Variants in CNTN1 observed in about 807,000 individuals in gnomAD.
CNTN1 encodes contactin-1.
CNTN1 carries 38 observed loss-of-function variants against 126.4 expected under a neutral mutation model. That is an observed-to-expected ratio of 0.30 (90% confidence interval 0.23 to 0.39). The LOEUF (loss-of-function observed/expected upper bound fraction) is 0.39. CNTN1 is among the 10% of genes least tolerant of loss of function. The pLI, the probability that CNTN1 is intolerant of heterozygous loss-of-function variation, is 1.00. For synonymous variants in CNTN1, 413 were observed against 422.6 expected (o/e 0.98, Z 0.28); for missense variants, 1,009 against 1,248.4 (o/e 0.81, Z 2.89).
Position 40,929,994 on chromosome 12 carries a change from T to C in CNTN1, c.695T>C (p.Ile232Thr), listed in dbSNP as rs763560467. The C allele has an allele frequency of 2.5e-6, 4 of 1,605,860 alleles. No individual in the cohort carries two copies. Among genetic ancestry groups the C allele is most frequent in the Non-Finnish European group, 2.6e-6 (3 of 1,172,820 alleles). The change falls in exon 7 of 24, where the codon ATA (isoleucine) becomes ACA (threonine). Residue 232 changes from isoleucine (I) to threonine (T), a missense_variant. Physicochemically the swap from Ile to Thr is moderately conservative, Grantham distance 89. Coordinates refer to ENST00000551295, the MANE Select transcript of CNTN1 (RefSeq NM_001843.4). ...VFSKFIPLIPIPERTTKPYPA... is the reference protein window; with the variant it reads ...VFSKFIPLIPTPERTTKPYPA... Reference sequence around the variant, plus strand: ...AGCAAATTCATCCCACTCATTCCAATACCTGAACGTAAGTATTTTATTTGT... The same window carrying C: ...AGCAAATTCATCCCACTCATTCCAACACCTGAACGTAAGTATTTTATTTGT...
intron 17 of CNTN1, among the ~76,000 whole-genome samples, chr12:41,001,167 G>A (rs778880496): frequency 3.3e-5 from 5 of 152,100 alleles, no homozygotes; most frequent in East Asian, 3.8e-4. Context: ...TTGCTAGGTC[G>A]AATAGTATTT....
At chr12:40,750,628 C>A (rs1292262918) in intron 1 of CNTN1, among the ~76,000 whole-genome samples, 1 of 151,676 alleles carries the variant, frequency 6.6e-6, no homozygotes, top group East Asian at 1.9e-4. Flanking sequence ...GATAGTGAGA[C>A]CCCCATCTCT....
chr12:40,705,711 C>G (rs2121134278), intron 1 of CNTN1, among the ~76,000 whole-genome samples: 1 of 152,238 alleles, frequency 6.6e-6, no homozygotes, highest in Middle Eastern at 3.4e-3. Context: ...ATACCTGAGA[C>G]TGGGTAATTT....
At chr12:40,857,338 G>C (rs1420695862) in intron 1 of CNTN1, among the ~76,000 whole-genome samples, 1 of 152,102 alleles carries the variant, frequency 6.6e-6, no homozygotes, top group Non-Finnish European at 1.5e-5. Context: ...GTTGAAAATA[G>C]CAAAGGCAGT....
chr12:41,003,679 GA>G (rs1234946541), intron 17 of CNTN1, among the ~76,000 whole-genome samples: 1 of 151,934 alleles, frequency 6.6e-6, no homozygotes, highest in Non-Finnish European at 1.5e-5. Context: ...TTAGTCTTGG[GA>G]GAGGGTATGT....
At chr12:40,868,696 GCTGATTGTACTGCATCCCAGC>G (rs1014624098) in intron 1 of CNTN1, among the ~76,000 whole-genome samples, 14 of 152,094 alleles carry the variant, frequency 9.2e-5, no homozygotes, top group Admixed American at 4.6e-4. Flanking sequence ...TGATCCTGTG[GCTGATTGTACTGCATCCCAGC>G]CTGAACACCT....
At chr12:40,709,710 A>G (rs946152804) in intron 1 of CNTN1, among the ~76,000 whole-genome samples, 2 of 152,188 alleles carry the variant, frequency 1.3e-5, no homozygotes, top group Non-Finnish European at 2.9e-5. Flanking sequence ...TCACATTTTT[A>G]TGTTATGGAG....
chr12:40,773,696 C>CATATATATATATAT (rs369635772), intron 1 of CNTN1, among the ~76,000 whole-genome samples: 1 of 19,914 alleles, frequency 5.0e-5, no homozygotes, highest in African/African-American at 8.3e-5. Flanking sequence ...TATATATACA[C>CATATATATATATAT]ATATATATAT....
At chr12:41,008,432 T>A (rs561907828) in intron 17 of CNTN1, among the ~76,000 whole-genome samples, 1 of 152,288 alleles carries the variant, frequency 6.6e-6, no homozygotes, top group African/African-American at 2.4e-5. Flanking sequence ...GAAAAACATA[T>A]ATACCCCCGT....
At chr12:40,904,070 G>C (rs1382611172) in intron 1 of CNTN1, among the ~76,000 whole-genome samples, 1 of 152,150 alleles carries the variant, frequency 6.6e-6, no homozygotes, top group South Asian at 2.1e-4. Flanking sequence ...CTAGGCTGGA[G>C]TGCAGTGGCG....
intron 11 of CNTN1, 67 bp downstream of exon 11, chr12:40,937,754 A>G: frequency 1.1e-6 from 1 of 951,286 alleles, no homozygotes. Context: ...CAAAATGTTT[A>G]TTGAGCCTAC....
chr12:40,923,812 C>T (rs948360551), intron 5 of CNTN1, among the ~76,000 whole-genome samples: 1 of 152,052 alleles, frequency 6.6e-6, no homozygotes, highest in Admixed American at 6.6e-5. Context: ...AAAAGTAACA[C>T]TTAGCATAGA....
chr12:40,983,880 T>TATGCTATTATAGCATATTTTATTA lies in CNTN1; in HGVS notation c.1963+2813_1963+2814insATGCTATTATAGCATATTTTATTA, dbSNP rs1566089136. On this transcript the variant is annotated intron_variant, in intron 16 of 23. Transcript: ENST00000551295. ...ATATGCTATTATAGCATATTTTATT[T>TATGCTATTATAGCATATTTTATTA]TATGCTATTATAGCATATTTTATTA... Among the ~76,000 whole-genome samples the TATGCTATTATAGCATATTTTATTA allele has an allele frequency of 1.4e-3, 96 of 68,972 alleles. 9 individuals are homozygous for TATGCTATTATAGCATATTTTATTA. Among genetic ancestry groups the TATGCTATTATAGCATATTTTATTA allele is most frequent in the African/African-American group, 5.2e-3 (93 of 17,860 alleles). 45.2% of individuals were successfully genotyped at this position (68,972 alleles called of 152,430 possible). A position where few individuals can be genotyped will look rare whatever the true frequency, so the allele number is the denominator to read the frequency against.
chr12:40,839,472 C>T (rs529935189), intron 1 of CNTN1, among the ~76,000 whole-genome samples: 1 of 152,264 alleles, frequency 6.6e-6, no homozygotes, highest in African/African-American at 2.4e-5. Context: ...CTCCATGGCA[C>T]ATTATAGTAT....
intron 1 of CNTN1, among the ~76,000 whole-genome samples, chr12:40,869,597 A>T (rs1020206759): frequency 6.6e-6 from 1 of 152,104 alleles, no homozygotes; most frequent in Non-Finnish European, 1.5e-5. Context: ...TACATATATT[A>T]TTATAGTCAA....
Position 41,028,054 on chromosome 12 carries a change from T to C in CNTN1, c.2823+85T>C, listed in dbSNP as rs554708519. The C allele has an allele frequency of 7.0e-6, 7 of 995,096 alleles. No individual in the cohort carries two copies. In the Admixed American group the frequency reaches 1.1e-4, roughly 16 times the overall value. The allele number at this position is 995,096 out of a possible 1,614,324, so 61.6% of individuals were successfully genotyped here. On this transcript the variant is annotated intron_variant, in intron 22 of 23. Coordinates refer to ENST00000551295, the MANE Select transcript of CNTN1 (RefSeq NM_001843.4). ...ATGGGTTTCTTTTCTTTTTTTGAGA[T>C]GGAATTTTGCTCTGTCACCCAGACC...
chr12:40,922,854 C>T (rs1020182227), intron 5 of CNTN1, among the ~76,000 whole-genome samples: 1 of 151,600 alleles, frequency 6.6e-6, no homozygotes, highest in African/African-American at 2.4e-5. Flanking sequence ...GCCTGTAATC[C>T]CAGCTACTCG....
chr12:40,961,639 T>G (rs1947109424), intron 15 of CNTN1, among the ~76,000 whole-genome samples: 1 of 151,982 alleles, frequency 6.6e-6, no homozygotes, highest in Non-Finnish European at 1.5e-5. Flanking sequence ...GAAAATGATT[T>G]GTAATTTTCA....
At chr12:41,015,093 T>C (rs1171625220) in intron 18 of CNTN1, among the ~76,000 whole-genome samples, 2 of 152,206 alleles carry the variant, frequency 1.3e-5, no homozygotes, top group Admixed American at 6.5e-5. Context: ...ATTGGTCAAA[T>C]GGATTTATTT....
Sources: allele counts gnomAD v4.1 joint callset (sites outside exome capture counted in the v4.1 genomes callset), GRCh38; gene constraint gnomAD v4.1.1; transcripts MANE v1.5; gene names NCBI Gene and HGNC (gene_info 2026-07-23, HGNC 2026-07-21).